SRD5A2: variants seen among roughly 807,000 people sequenced by gnomAD.
SRD5A2 encodes the protein steroid 5 alpha-reductase 2, also known as 3-oxo-5-alpha-steroid 4-dehydrogenase 2.
Under a neutral mutation model 27.4 loss-of-function variants are expected in SRD5A2, and 30 were observed. That is an observed-to-expected ratio of 1.10 (90% CI 0.82 to 1.49). SRD5A2 has a LOEUF of 1.49. Among genes scored for constraint, SRD5A2 ranks in the 40% most tolerant of loss-of-function variants. The probability of loss-of-function intolerance (pLI) is 0.00; values close to 1 mark genes in which losing one functional copy is unlikely to be tolerated. For synonymous variants in SRD5A2, 141 were observed against 133.6 expected (o/e 1.06, Z -0.38); for missense variants, 348 against 323.4 (o/e 1.08, Z -0.58).
chr2:31,624,603 C>T, the SRD5A2 span, among the ~76,000 whole-genome samples: 5 of 152,060 alleles, frequency 3.3e-5, no homozygotes, highest in Admixed American at 1.3e-4. Flanking sequence ...TGAGAACATG[C>T]GGTGTTTGGT....
At chr2:31,628,041 C>A in the SRD5A2 span, among the ~76,000 whole-genome samples, 1 of 152,004 alleles carries the variant, frequency 6.6e-6, no homozygotes, top group Non-Finnish European at 1.5e-5. Flanking sequence ...AGTTTTCTGC[C>A]TCGATGATTT....
the SRD5A2 span, among the ~76,000 whole-genome samples, chr2:31,642,671 TC>T: frequency 6.6e-6 from 1 of 151,444 alleles, no homozygotes; most frequent in Non-Finnish European, 1.5e-5. Context: ...AAGGTATTCA[TC>T]CCCCCCAAAA....
chr2:31,554,387 A>C (rs1666449585), intron 1 of SRD5A2, among the ~76,000 whole-genome samples: 1 of 152,202 alleles, frequency 6.6e-6, no homozygotes, highest in Non-Finnish European at 1.5e-5. Context: ...TGTGAAAATG[A>C]GCACTGTGAT....
intron 1 of SRD5A2, among the ~76,000 whole-genome samples, chr2:31,565,078 A>G (rs1666703303): frequency 6.6e-6 from 1 of 152,016 alleles, no homozygotes; most frequent in South Asian, 2.1e-4. Context: ...GCAAGAGAGA[A>G]GAAATGGAAG....
the SRD5A2 span, among the ~76,000 whole-genome samples, chr2:31,598,371 A>C: frequency 6.6e-6 from 1 of 152,000 alleles, no homozygotes; most frequent in East Asian, 1.9e-4. Context: ...TGATGAGTGC[A>C]TCAAAATCTC....
chr2:31,538,319 C>A (rs1302180824), intron 1 of SRD5A2, among the ~76,000 whole-genome samples: 1 of 152,186 alleles, frequency 6.6e-6, no homozygotes, highest in Non-Finnish European at 1.5e-5. Context: ...CTCTCTCTCT[C>A]TCTCATTCTC....
At chr2:31,573,421 A>G (rs1371321043) in intron 1 of SRD5A2, among the ~76,000 whole-genome samples, 2 of 152,192 alleles carry the variant, frequency 1.3e-5, no homozygotes, top group Non-Finnish European at 2.9e-5. Context: ...TTGAGCACAG[A>G]AACTTTTAAA....
rs1339912827 is a variant in SRD5A2, at chr2:31,554,701, C to T, written c.282-20935G>A. Among the ~76,000 whole-genome samples, 4 of 152,116 alleles carry T rather than the reference C, an allele frequency of 2.6e-5. No homozygotes were observed. The East Asian group carries it at 7.7e-4, about 29-fold the overall frequency. On this transcript the variant is annotated intron_variant, in intron 1 of 4. Coordinates refer to ENST00000622030, the MANE Select transcript of SRD5A2 (RefSeq NM_000348.4). ...GATGCAGGATTTCATTTTGCTTTTC[C>T]CTGGCATCAATTTGCATTTTTCACC...
chr2:31,614,286 A>C, the SRD5A2 span, among the ~76,000 whole-genome samples: 1 of 152,214 alleles, frequency 6.6e-6, no homozygotes, highest in Non-Finnish European at 1.5e-5. Context: ...ATTATCCAAA[A>C]CACAGGGACT....
intron 1 of SRD5A2, among the ~76,000 whole-genome samples, chr2:31,543,820 A>G (rs1030581206): frequency 6.6e-6 from 1 of 152,116 alleles, no homozygotes; most frequent in Non-Finnish European, 1.5e-5. Context: ...CAAATATAAA[A>G]ATTATAGAAG....
chr2:31,573,931 T>G (rs919454672), intron 1 of SRD5A2, among the ~76,000 whole-genome samples: 111 of 152,320 alleles, frequency 7.3e-4, no homozygotes, highest in African/African-American at 2.6e-3. Flanking sequence ...GTTACCTAAT[T>G]CCTGGATCTC....
the SRD5A2 span, among the ~76,000 whole-genome samples, chr2:31,645,360 A>T: frequency 3.0e-3 from 464 of 152,320 alleles, 4 homozygotes; most frequent in African/African-American, 0.011. Flanking sequence ...ATTCTCCATG[A>T]TGTGCTTATT....
chr2:31,661,591 T>G, the SRD5A2 span, among the ~76,000 whole-genome samples: 1 of 152,174 alleles, frequency 6.6e-6, no homozygotes, highest in African/African-American at 2.4e-5. Flanking sequence ...TGAAGAATTG[T>G]GTCAAATATT....
At chr2:31,662,245 G>C in the SRD5A2 span, among the ~76,000 whole-genome samples, 1,205 of 152,188 alleles carry the variant, frequency 7.9e-3, 19 homozygotes, top group African/African-American at 0.027. Context: ...ATGTTGTAGA[G>C]ACACTAAATT....
intron 1 of SRD5A2, 89 bp downstream of exon 1, chr2:31,580,531 G>C (rs1340161327): frequency 7.2e-7 from 1 of 1,397,724 alleles, no homozygotes; most frequent in Non-Finnish European, 9.4e-7. Flanking sequence ...CCTCCTTGGC[G>C]TTCCTCGGTG....
At chr2:31,645,502 GA>G in the SRD5A2 span, among the ~76,000 whole-genome samples, 1 of 152,140 alleles carries the variant, frequency 6.6e-6, no homozygotes, top group Non-Finnish European at 1.5e-5. Flanking sequence ...TTTTCTGACA[GA>G]TGTAAATTTG....
chr2:31,538,171 A>G (rs935384017), intron 1 of SRD5A2, among the ~76,000 whole-genome samples: 14 of 152,162 alleles, frequency 9.2e-5, no homozygotes, highest in African/African-American at 3.4e-4. Flanking sequence ...GGATATTTCA[A>G]TTTTAACACA....
intron 1 of SRD5A2, among the ~76,000 whole-genome samples, chr2:31,572,978 T>C (rs1412034617): frequency 2.0e-5 from 3 of 152,120 alleles, no homozygotes; most frequent in African/African-American, 7.2e-5. Context: ...CAGAAGATGT[T>C]TGGAATCTAA....
At chr2:31,541,463 T>C (rs991321609) in intron 1 of SRD5A2, among the ~76,000 whole-genome samples, 4 of 151,998 alleles carry the variant, frequency 2.6e-5, no homozygotes, top group African/African-American at 4.8e-5. Flanking sequence ...CAAAAAAGAC[T>C]TTAAAATAAC....
Sources: allele counts gnomAD v4.1 joint callset (sites outside exome capture counted in the v4.1 genomes callset), GRCh38; gene constraint gnomAD v4.1.1; transcripts MANE v1.5; gene names NCBI Gene and HGNC (gene_info 2026-07-23, HGNC 2026-07-21).